DOCK8: variants seen among roughly 807,000 people sequenced by gnomAD.
The protein encoded by DOCK8 is dedicator of cytokinesis 8.
A neutral mutation model predicts 245.6 loss-of-function variants in DOCK8; 141 were observed. The observed-to-expected ratio is 0.57, with a 90% CI of 0.50 to 0.66. The LOEUF (loss-of-function observed/expected upper bound fraction) is 0.66. DOCK8 is among the 30% of genes least tolerant of loss of function. The pLI, the probability that DOCK8 is intolerant of heterozygous loss-of-function variation, is 0.00. For synonymous variants in DOCK8, 1,168 were observed against 970.2 expected, an observed-to-expected ratio of 1.20 and a Z score of -3.79; for missense variants, 2,965 against 2,603.4, an observed-to-expected ratio of 1.14 and a Z score of -3.02.
intron 1 of DOCK8, among the ~76,000 whole-genome samples, chr9:242,900 A>T (rs1587648549): frequency 6.6e-6 from 1 of 151,590 alleles, no homozygotes; most frequent in East Asian, 1.9e-4. Context: ...GACGCTGTCC[A>T]CTCTAAACAG....
chr9:422,256 C>G (rs531689974), intron 33 of DOCK8, 121 bp downstream of exon 33: 1 of 843,452 alleles, frequency 1.2e-6, no homozygotes, highest in African/African-American at 1.7e-5. Context: ...ACATCATTAT[C>G]TGTGTAAATA....
At chr9:224,836 C>G (rs950587198) in intron 1 of DOCK8, among the ~76,000 whole-genome samples, 1 of 152,170 alleles carries the variant, frequency 6.6e-6, no homozygotes, top group Non-Finnish European at 1.5e-5. Context: ...AAAACTCAGG[C>G]TCAAAGTCCA....
intron 14 of DOCK8, among the ~76,000 whole-genome samples, chr9:352,064 G>C (rs2052197353): frequency 6.6e-6 from 1 of 152,180 alleles, no homozygotes; most frequent in African/African-American, 2.4e-5. Flanking sequence ...GCAGCAGCAG[G>C]AGAAATGTTT....
At chr9:267,908 G>T (rs557389520) in intron 1 of DOCK8, 1 of 152,098 alleles carries the variant, frequency 6.6e-6, no homozygotes, top group African/African-American at 2.4e-5. Context: ...TGAATTCCAC[G>T]GTGTATATTT....
chr9:307,858 T>G (rs917857945), intron 5 of DOCK8, among the ~76,000 whole-genome samples: 2 of 152,194 alleles, frequency 1.3e-5, no homozygotes, highest in Non-Finnish European at 2.9e-5. Flanking sequence ...ATGTGGTATG[T>G]ATACACGATA....
intron 14 of DOCK8, among the ~76,000 whole-genome samples, chr9:343,543 CA>C (rs1366459343): frequency 4.6e-5 from 7 of 151,910 alleles, no homozygotes; most frequent in African/African-American, 7.3e-5. Context: ...AACAGCTATT[CA>C]CACAGGAATG....
intron 1 of DOCK8, among the ~76,000 whole-genome samples, chr9:264,371 C>T (rs2047989153): frequency 6.6e-6 from 1 of 152,196 alleles, no homozygotes; most frequent in African/African-American, 2.4e-5. Flanking sequence ...TGGGACACCC[C>T]TGTGAGGAAG....
intron 29 of DOCK8, among the ~76,000 whole-genome samples, chr9:415,584 G>GA (rs1181987681): frequency 1.3e-5 from 2 of 152,028 alleles, no homozygotes; most frequent in South Asian, 2.1e-4. Context: ...AATGTAGAGG[G>GA]AAAAAAATCC....
chr9:436,704 T>C (rs955219), intron 39 of DOCK8, among the ~76,000 whole-genome samples: 108,358 of 151,882 alleles, frequency 0.71, 39,743 homozygotes, highest in East Asian at 0.98. Context: ...TCCACATTAT[T>C]CCGACATGGG....
At chr9:270,784 G>C (rs1350041092) in intron 1 of DOCK8, among the ~76,000 whole-genome samples, 12 of 152,142 alleles carry the variant, frequency 7.9e-5, no homozygotes, top group Non-Finnish European at 1.0e-4. Flanking sequence ...TTCAGTAGTG[G>C]TATTGGTATT....
chr9:307,592 A>G (rs1464768626), intron 5 of DOCK8, among the ~76,000 whole-genome samples: 3 of 151,926 alleles, frequency 2.0e-5, no homozygotes, highest in Non-Finnish European at 4.4e-5. Flanking sequence ...TCCTGACCTC[A>G]GGTGATCCAC....
At chr9:374,865 C>A (rs1301953397) in intron 18 of DOCK8, among the ~76,000 whole-genome samples, 1 of 152,018 alleles carries the variant, frequency 6.6e-6, no homozygotes, top group Admixed American at 6.6e-5. Context: ...TCACAGATGG[C>A]AAACTCAAGT....
At chr9:223,249 G>A (rs1276658320) in intron 1 of DOCK8, among the ~76,000 whole-genome samples, 1 of 152,150 alleles carries the variant, frequency 6.6e-6, no homozygotes, top group African/African-American at 2.4e-5. Flanking sequence ...AAACTCCACC[G>A]CCTCACTCCC....
chr9:398,361 T>C (rs2054562839), intron 25 of DOCK8, among the ~76,000 whole-genome samples: 1 of 152,206 alleles, frequency 6.6e-6, no homozygotes, highest in Non-Finnish European at 1.5e-5. Context: ...CTGGTCAGCA[T>C]GGCCTGAATT....
At chr9:400,094 TCAC>T (rs775962908) in intron 26 of DOCK8, among the ~76,000 whole-genome samples, 809 of 20,350 alleles carry the variant, frequency 0.04, 26 homozygotes, top group Middle Eastern at 0.12. Flanking sequence ...ACCTCCACCA[TCAC>T]CACCACCACC....
intron 4 of DOCK8, among the ~76,000 whole-genome samples, chr9:295,594 G>A (rs913432714): frequency 1.6e-4 from 24 of 152,104 alleles, no homozygotes; most frequent in Admixed American, 1.0e-3. Flanking sequence ...CCTTCCTCTG[G>A]AGGACCATAC....
At chr9:423,564 G>T (rs1300303135) in intron 33 of DOCK8, among the ~76,000 whole-genome samples, 2 of 152,194 alleles carry the variant, frequency 1.3e-5, no homozygotes, top group Admixed American at 6.5e-5. Flanking sequence ...AATCATTCTG[G>T]TTAACTTATG....
intron 15 of DOCK8, 42 bp downstream of exon 15, chr9:368,177 T>A: frequency 6.1e-6 from 9 of 1,471,746 alleles, no homozygotes; most frequent in Non-Finnish European, 8.6e-6. Context: ...CAGGGTGGGC[T>A]GCTCACCCCT....
At chr9:213,519 G>GATTTTTTA (rs2046657088), upstream of DOCK8, 1 of 152,058 alleles carries the variant, frequency 6.6e-6, no homozygotes, top group Non-Finnish European at 1.5e-5. Flanking sequence ...TATATCCAAA[G>GATTTTTTA]TATCATTTAA....
Sources: allele counts gnomAD v4.1 joint callset (sites outside exome capture counted in the v4.1 genomes callset), GRCh38; gene constraint gnomAD v4.1.1; transcripts MANE v1.5; gene names NCBI Gene and HGNC (gene_info 2026-07-23, HGNC 2026-07-21).